The following ATPAF2 variants were observed in gnomAD, a reference collection of about 807,000 sequenced individuals.
ATPAF2 encodes the protein ATP12 homolog.
ATPAF2 carries 30 observed loss-of-function variants against 36.6 expected under a neutral mutation model. The ratio of observed to expected loss-of-function variants is 0.82; its 90% CI spans 0.61 to 1.11. The LOEUF (loss-of-function observed/expected upper bound fraction) is 1.11. Ranked by LOEUF, ATPAF2 falls within the 50% of genes most tolerant of loss-of-function variation. The pLI is 0.00. For missense variants in ATPAF2, 321 were observed against 372.3 expected (o/e 0.86, Z 1.13); for synonymous variants, 140 against 152.6 (o/e 0.92, Z 0.61).
chr17:18,018,744 A>G, intron 7 of ATPAF2, 58 bp from the exon 8 acceptor site: 1 of 1,612,198 alleles, frequency 6.2e-7, no homozygotes, highest in South Asian at 1.1e-5. Context: ...CTGCCTCCTG[A>G]CCAAAGCCAC....
At chr17:18,028,570 CAAAAAAA>C (rs10652393) in intron 2 of ATPAF2, 38 bp downstream of exon 2, 2 of 1,351,248 alleles carry the variant, frequency 1.5e-6, no homozygotes. Flanking sequence ...CAACCATTCA[CAAAAAAA>C]AAAAAAAAAA....
Position 18,028,540 on chromosome 17 carries a change from C to G in ATPAF2, c.178+75G>C, listed in dbSNP as rs911000930. Reference sequence around the variant, plus strand: ...AAGGATAATCGCACCATGAAACCAGCTGAAGATGAAAAATGTTCCCAACCA... The same window carrying G: ...AAGGATAATCGCACCATGAAACCAGGTGAAGATGAAAAATGTTCCCAACCA... On this transcript the variant is annotated intron_variant, in intron 2 of 7. Coordinates refer to ENST00000474627, the MANE Select transcript of ATPAF2 (RefSeq NM_145691.4). 1.0e-5 allele frequency: 15 copies of G among 1,502,680 alleles called. No homozygotes were observed. The African/African-American group carries it at 1.8e-4, about 18-fold the overall frequency. 93.1% of individuals were successfully genotyped at this position (1,502,680 alleles called of 1,614,324 possible). A position where few individuals can be genotyped will look rare whatever the true frequency, so the allele number is the denominator to read the frequency against.
chr17:18,038,324 C>A (rs549152097), intron 1 of ATPAF2, among the ~76,000 whole-genome samples: 1 of 152,168 alleles, frequency 6.6e-6, no homozygotes, highest in Non-Finnish European at 1.5e-5. Flanking sequence ...GGAGGTGACT[C>A]CACAGTCAGA....
Position 18,038,931 on chromosome 17 carries a change from C to T in ATPAF2, c.83G>A (p.Ser28Asn), listed in dbSNP as rs375062622. 1.1e-5 allele frequency: 17 copies of T among 1,613,052 alleles called. No homozygotes were observed. The part of the protein sequence containing the change: ...RPAGGPSASM[S>N]PGPTIPSPAR... ...TGGAGACGGGATGGTTGGCCCCGGA[C>T]TCATAGAAGCGCTGGGGCCACCCGC... Residue 28 changes from serine to asparagine, a missense_variant, in exon 1 of 8, where the codon AGT becomes AAT. Physicochemically the swap from Ser to Asn is conservative, Grantham distance 46. Transcript: ENST00000474627.
At position 18,031,462 on chromosome 17, in the gene ATPAF2, G is replaced by A. The variant is rs566722571; in HGVS notation, c.134-2803C>T. On this transcript the variant is annotated intron_variant, in intron 1 of 7. Transcript: ENST00000474627. ...ATGTGTCTTGGCACTTGGGATACAA[G>A]AGTGAATAAAATAGACAGAGTTTAA... Among the ~76,000 whole-genome samples the A allele has an allele frequency of 4.6e-5, 7 of 152,148 alleles. No homozygotes were observed. In the East Asian group the frequency reaches 1.2e-3, roughly 25 times the overall value.
downstream of ATPAF2, chr17:18,016,412 A>C: frequency 2.6e-6 from 2 of 776,916 alleles, no homozygotes; most frequent in Non-Finnish European, 4.1e-6. Context: ...AAATATACAG[A>C]GATCAGCAGA....
intron 2 of ATPAF2, 39 bp downstream of exon 2, chr17:18,028,570 CAAAAAA>C: frequency 5.2e-6 from 7 of 1,350,040 alleles, no homozygotes; most frequent in Non-Finnish European, 6.0e-6. Flanking sequence ...CAACCATTCA[CAAAAAA>C]AAAAAAAAAA....
At chr17:18,020,520 T>A (rs1699639328) in intron 7 of ATPAF2, among the ~76,000 whole-genome samples, 1 of 152,182 alleles carries the variant, frequency 6.6e-6, no homozygotes, top group African/African-American at 2.4e-5. Flanking sequence ...GCTGGCACAT[T>A]TTCCAGAGGT....
At chr17:18,035,668 C>T (rs1489448630) in intron 1 of ATPAF2, among the ~76,000 whole-genome samples, 1 of 152,234 alleles carries the variant, frequency 6.6e-6, no homozygotes, top group Admixed American at 6.5e-5. Flanking sequence ...TCCAACTATT[C>T]AACTCTGCCA....
intron 7 of ATPAF2, among the ~76,000 whole-genome samples, chr17:18,019,958 C>CA (rs552199128): frequency 1.5e-3 from 225 of 152,348 alleles, no homozygotes; most frequent in African/African-American, 5.1e-3. Context: ...ACCAGCCCTA[C>CA]AAGTCACCCC....
At chr17:18,026,668 T>TC (rs774177483) in intron 3 of ATPAF2, 10 of 572,198 alleles carry the variant, frequency 1.7e-5, no homozygotes, top group Non-Finnish European at 3.1e-5. Flanking sequence ...TTAGTGAACC[T>TC]CCCCCATGGT....
intron 1 of ATPAF2, among the ~76,000 whole-genome samples, chr17:18,034,100 C>T (rs961471098): frequency 2.6e-5 from 4 of 151,928 alleles, no homozygotes; most frequent in African/African-American, 7.3e-5. Context: ...GCCTAGGCAA[C>T]AGACCGAGGC....
downstream of ATPAF2, chr17:18,015,988 CCTT>C (rs796790203): frequency 3.3e-6 from 5 of 1,536,156 alleles, no homozygotes; most frequent in African/African-American, 6.8e-5. Flanking sequence ...TCCAAATGCT[CCTT>C]CTCTGTTCAG....
chr17:18,038,135 C>T (rs1304003558), intron 1 of ATPAF2, among the ~76,000 whole-genome samples: 1 of 152,238 alleles, frequency 6.6e-6, no homozygotes, highest in Non-Finnish European at 1.5e-5. Context: ...CCAATACATA[C>T]AGGTGGGTCT....
chr17:18,033,644 G>C lies in ATPAF2; in HGVS notation c.134-4985C>G, dbSNP rs143444156. 1.5e-3 allele frequency among the ~76,000 whole-genome samples: 232 copies of C among 152,198 alleles called. 1 individual carries two copies. Among genetic ancestry groups the C allele is most frequent in the Non-Finnish European group, 2.2e-3 (148 of 68,010 alleles). On this transcript the variant is annotated intron_variant, in intron 1 of 7. Coordinates refer to ENST00000474627, the MANE Select transcript of ATPAF2 (RefSeq NM_145691.4). The stretch of plus-strand genomic sequence containing the variant: ...AGTGCACCAAGAAGAGGAAGTACTG[G>C]TTTCAGAGCTGTCTCAGTGCCTTTA...
chr17:18,033,457 G>A (rs941543449), intron 1 of ATPAF2, among the ~76,000 whole-genome samples: 1 of 151,062 alleles, frequency 6.6e-6, no homozygotes, highest in Non-Finnish European at 1.5e-5. Context: ...GAGACCACCA[G>A]AAACCTATGA....
At chr17:18,019,292 C>T (rs1045365196) in intron 7 of ATPAF2, among the ~76,000 whole-genome samples, 1 of 152,190 alleles carries the variant, frequency 6.6e-6, no homozygotes, top group Non-Finnish European at 1.5e-5. Flanking sequence ...CCAGTGGCTG[C>T]CCACCCACCA....
intron 1 of ATPAF2, among the ~76,000 whole-genome samples, chr17:18,038,289 T>TC (rs2044734414): frequency 1.3e-5 from 2 of 152,192 alleles, no homozygotes; most frequent in African/African-American, 4.8e-5. Context: ...AGCCACTACT[T>TC]CTAAGCTTCA....
In ATPAF2 at chr17:18,031,695, G is replaced by C. The variant is rs8072604; in HGVS notation, c.134-3036C>G. Among the ~76,000 whole-genome samples, 1,501 of 152,162 alleles carry C rather than the reference G, an allele frequency of 9.9e-3. 21 individuals are homozygous for C. The highest frequency in any genetic ancestry group is 0.035 in the African/African-American group (1,445 of 41,516). On this transcript the variant is annotated intron_variant, in intron 1 of 7. Transcript: ENST00000474627. ...CTTGGGAGGCTGAGGCAGGAGAATGGCGTGAACCCGGGAGGTGGAGCTTGC... is the reference window on the plus strand; with the variant it reads ...CTTGGGAGGCTGAGGCAGGAGAATGCCGTGAACCCGGGAGGTGGAGCTTGC...
Sources: allele counts gnomAD v4.1 joint callset (sites outside exome capture counted in the v4.1 genomes callset), GRCh38; gene constraint gnomAD v4.1.1; transcripts MANE v1.5; gene names NCBI Gene and HGNC (gene_info 2026-07-23, HGNC 2026-07-21).